MACROD2: variants seen among roughly 807,000 people sequenced by gnomAD.
The protein encoded by MACROD2 is ADP-ribose glycohydrolase MACROD2.
A neutral mutation model predicts 70.4 loss-of-function variants in MACROD2; 36 were observed. The ratio of observed to expected loss-of-function variants is 0.51; its 90% CI spans 0.39 to 0.68. The LOEUF (loss-of-function observed/expected upper bound fraction) is 0.68. Ranked by LOEUF, MACROD2 falls within the 30% of genes least tolerant of loss-of-function variation. The probability of loss-of-function intolerance (pLI) is 0.00; values close to 1 mark genes in which losing one functional copy is unlikely to be tolerated. For missense variants in MACROD2, 496 were observed against 538.4 expected (o/e 0.92, Z 0.78); for synonymous variants, 172 against 178.8 (o/e 0.96, Z 0.30).
intron 5 of MACROD2, among the ~76,000 whole-genome samples, chr20:15,132,192 C>G: frequency 6.6e-6 from 1 of 151,778 alleles, no homozygotes. Context: ...TCTTTATGGT[C>G]TAAATAACAT....
chr20:15,773,763 G>A (rs1021745578), intron 8 of MACROD2, among the ~76,000 whole-genome samples: 1 of 152,086 alleles, frequency 6.6e-6, no homozygotes, highest in African/African-American at 2.4e-5. Flanking sequence ...TCCCTCAAAT[G>A]ATAAAAAATA....
intron 6 of MACROD2, among the ~76,000 whole-genome samples, chr20:15,421,007 T>C (rs759091758): frequency 8.5e-5 from 13 of 152,076 alleles, no homozygotes; most frequent in Non-Finnish European, 1.8e-4. Flanking sequence ...AAAAGTTTAA[T>C]AGTTTCAGTT....
intron 4 of MACROD2, among the ~76,000 whole-genome samples, chr20:14,674,961 A>G (rs565014216): frequency 1.4e-3 from 214 of 152,346 alleles, no homozygotes; most frequent in African/African-American, 4.9e-3. Context: ...TGAAAATCCA[A>G]GAACTCCAAA....
At chr20:14,386,482 G>C (rs1007753410) in intron 3 of MACROD2, among the ~76,000 whole-genome samples, 1 of 152,166 alleles carries the variant, frequency 6.6e-6, no homozygotes, top group African/African-American at 2.4e-5. Context: ...TGGAATATGG[G>C]GGCAGATCAC....
intron 5 of MACROD2, among the ~76,000 whole-genome samples, chr20:14,872,923 A>C (rs776219670): frequency 5.3e-5 from 8 of 152,144 alleles, no homozygotes; most frequent in Non-Finnish European, 1.2e-4. Context: ...GAATGAATGC[A>C]GGAGGAACTA....
chr20:15,378,877 A>T (rs1185039381), intron 6 of MACROD2, among the ~76,000 whole-genome samples: 1 of 152,226 alleles, frequency 6.6e-6, no homozygotes, highest in African/African-American at 2.4e-5. Context: ...AGTGCAACGC[A>T]TGCCAGATTT....
intron 15 of MACROD2, among the ~76,000 whole-genome samples, chr20:16,004,822 A>G (rs922758663): frequency 4.6e-5 from 7 of 152,300 alleles, no homozygotes; most frequent in Non-Finnish European, 7.3e-5. Context: ...TCTTGGCCCC[A>G]GCACAAGAGC....
chr20:15,501,649 T>C (rs920014686), intron 8 of MACROD2, among the ~76,000 whole-genome samples: 1 of 152,214 alleles, frequency 6.6e-6, no homozygotes, highest in Non-Finnish European at 1.5e-5. Context: ...ATAATTTGGA[T>C]TGAGAAACTC....
At position 14,397,051 on chromosome 20, in the gene MACROD2, G is replaced by T. The variant is rs1396435062; in HGVS notation, c.272-96428G>T. Reference sequence around the variant, plus strand: ...GCTCTGTCGCCCAGGTTGGAGTGCAGTGGCGCAATCTCGGCTCACTGCAAG... The same window carrying T: ...GCTCTGTCGCCCAGGTTGGAGTGCATTGGCGCAATCTCGGCTCACTGCAAG... On this transcript the variant is annotated intron_variant, in intron 3 of 17. Coordinates refer to ENST00000684519, the MANE Select transcript of MACROD2 (RefSeq NM_001351661.2). Among the ~76,000 whole-genome samples the T allele has an allele frequency of 5.9e-5, 8 of 135,582 alleles. No individual in the cohort carries two copies. In the Admixed American group the frequency reaches 6.3e-4, roughly 11 times the overall value. 88.9% of individuals were successfully genotyped at this position (135,582 alleles called of 152,430 possible).
chr20:15,344,295 A>G (rs915306669), intron 6 of MACROD2, among the ~76,000 whole-genome samples: 7 of 152,078 alleles, frequency 4.6e-5, no homozygotes, highest in African/African-American at 1.7e-4. Flanking sequence ...TGTCCAATCT[A>G]TATACTCTGT....
intron 3 of MACROD2, among the ~76,000 whole-genome samples, chr20:14,467,623 C>T (rs1191126276): frequency 6.6e-6 from 1 of 151,978 alleles, no homozygotes; most frequent in Non-Finnish European, 1.5e-5. Context: ...TGTCACTCAC[C>T]CTGGGAGCTG....
chr20:14,363,842 A>T (rs898650914), intron 3 of MACROD2, among the ~76,000 whole-genome samples: 9 of 123,772 alleles, frequency 7.3e-5, no homozygotes, highest in African/African-American at 8.9e-5. Context: ...AAAAAAAAAA[A>T]AAAAAAATAA....
At chr20:14,473,246 A>G (rs754705162) in intron 3 of MACROD2, among the ~76,000 whole-genome samples, 2 of 152,098 alleles carry the variant, frequency 1.3e-5, no homozygotes, top group Non-Finnish European at 2.9e-5. Flanking sequence ...ACTGGAATTC[A>G]TTCCTCCTAT....
At chr20:14,857,168 C>T (rs1454516172) in intron 5 of MACROD2, among the ~76,000 whole-genome samples, 1 of 152,172 alleles carries the variant, frequency 6.6e-6, no homozygotes, top group Non-Finnish European at 1.5e-5. Flanking sequence ...TCTCTCTGTT[C>T]TCCAAGGCTG....
At chr20:15,126,001 GTATCAGTAC>G (rs2076063935) in intron 5 of MACROD2, among the ~76,000 whole-genome samples, 1 of 149,000 alleles carries the variant, frequency 6.7e-6, no homozygotes, top group South Asian at 2.1e-4. Context: ...GTTGTAGCAT[GTATCAGTAC>G]TTCATTCCTT....
intron 3 of MACROD2, among the ~76,000 whole-genome samples, chr20:14,211,851 G>A (rs1394906891): frequency 5.3e-5 from 8 of 152,092 alleles, no homozygotes; most frequent in Non-Finnish European, 1.0e-4. Context: ...CCCAGAGGTG[G>A]TAATAGTCAC....
At chr20:14,952,871 T>C (rs183899903) in intron 5 of MACROD2, among the ~76,000 whole-genome samples, 2 of 152,222 alleles carry the variant, frequency 1.3e-5, no homozygotes, top group East Asian at 3.9e-4. Context: ...CAATAGAAAG[T>C]ATACTCATTG....
intron 5 of MACROD2, among the ~76,000 whole-genome samples, chr20:14,887,136 G>A (rs2073687220): frequency 6.6e-6 from 1 of 152,064 alleles, no homozygotes; most frequent in Non-Finnish European, 1.5e-5. Context: ...GGCTGTATGT[G>A]TGCATACATG....
intron 3 of MACROD2, among the ~76,000 whole-genome samples, chr20:14,394,874 T>C (rs1445893939): frequency 6.6e-6 from 1 of 152,252 alleles, no homozygotes; most frequent in East Asian, 1.9e-4. Context: ...TTATTTGTCC[T>C]GTTGATATGG....
Sources: allele counts gnomAD v4.1 joint callset (sites outside exome capture counted in the v4.1 genomes callset), GRCh38; gene constraint gnomAD v4.1.1; transcripts MANE v1.5; gene names NCBI Gene and HGNC (gene_info 2026-07-23, HGNC 2026-07-21).